Variants in PAPPA2 observed in about 807,000 individuals in gnomAD.
PAPPA2 encodes pappalysin-2.
Under a neutral mutation model 176.4 loss-of-function variants are expected in PAPPA2, and 86 were observed. That is an observed-to-expected ratio of 0.49 (90% CI 0.41 to 0.58). The LOEUF (loss-of-function observed/expected upper bound fraction) is 0.58. Ranked by LOEUF, PAPPA2 falls within the 20% of genes least tolerant of loss-of-function variation. The pLI, the probability that PAPPA2 is intolerant of heterozygous loss-of-function variation, is 0.00. For synonymous variants in PAPPA2, 809 were observed against 852.2 expected, an observed-to-expected ratio of 0.95 and a Z score of 0.88; for missense variants, 2,073 against 2,256.9, an observed-to-expected ratio of 0.92 and a Z score of 1.65.
Position 176,840,262 on chromosome 1 carries a change from C to T in PAPPA2, c.5292C>T (p.Ser1764=), listed in dbSNP as rs554550332. 1 of 1,612,038 alleles carries T rather than the reference C, an allele frequency of 6.2e-7. No individual in the cohort carries two copies. The highest frequency in any genetic ancestry group is 2.2e-5 in the East Asian group (1 of 44,854). ...GAGACTGCTGCTCTTCCACACTCTC[C>T]TCCAAGAAGGTGAGTGAGAGAACCT... ...DGGDCCSSTL[S]SKKVIPFAAD... Residue 1764 remains serine (S), a synonymous_variant, in exon 22 of 23, where the codon TCC becomes TCT. Coordinates refer to ENST00000367662, the MANE Select transcript of PAPPA2 (RefSeq NM_020318.3).
At chr1:176,607,154 T>C (rs1167647541) in intron 3 of PAPPA2, among the ~76,000 whole-genome samples, 1 of 152,230 alleles carries the variant, frequency 6.6e-6, no homozygotes, top group African/African-American at 2.4e-5. Context: ...GTGTAATGAT[T>C]AAGTCAGGGT....
At chr1:176,484,900 C>T (rs1181536054) in intron 1 of PAPPA2, among the ~76,000 whole-genome samples, 1 of 152,182 alleles carries the variant, frequency 6.6e-6, no homozygotes, top group African/African-American at 2.4e-5. Flanking sequence ...GTTTTCACTT[C>T]TTTCCTGCCC....
Position 176,690,154 on chromosome 1 carries a change from C to T in PAPPA2, c.2155C>T (p.Pro719Ser). The change falls in exon 5 of 23, where the codon CCA (proline) becomes TCA (serine). Residue 719 changes from proline (P) to serine (S), a missense_variant. This residue lies in a region of PAPPA2 where 1,196 missense variants were observed against 1,330.4 expected (regional missense o/e 0.90). Coordinates refer to ENST00000367662, the MANE Select transcript of PAPPA2 (RefSeq NM_020318.3). ...CATTGCAGGTGGCATTGTCCTCAGCCCAGCATATTATGGGATGCCTGGCCA... is the reference window on the plus strand; with the variant it reads ...CATTGCAGGTGGCATTGTCCTCAGCTCAGCATATTATGGGATGCCTGGCCA... Reference protein sequence around the residue: ...VTHLGGIVLSPAYYGMPGHTD... With the variant: ...VTHLGGIVLSSAYYGMPGHTD... The T allele has an allele frequency of 1.2e-6, 2 of 1,611,854 alleles. No individual in the cohort carries two copies. Among genetic ancestry groups the T allele is most frequent in the Non-Finnish European group, 8.5e-7 (1 of 1,178,194 alleles).
intron 12 of PAPPA2, among the ~76,000 whole-genome samples, chr1:176,731,645 A>G (rs1662147449): frequency 6.6e-6 from 1 of 151,950 alleles, no homozygotes. Context: ...TTATATGTGT[A>G]TATATACATA....
chr1:176,499,884 C>T (rs1046598625), intron 1 of PAPPA2, among the ~76,000 whole-genome samples: 1 of 152,248 alleles, frequency 6.6e-6, no homozygotes, highest in Middle Eastern at 3.4e-3. Context: ...CAAAGGCTTG[C>T]AACATTTTCC....
chr1:176,685,084 C>CT lies in PAPPA2; in HGVS notation c.2138-5041dup, dbSNP rs71644479. On this transcript the variant is annotated intron_variant, in intron 4 of 22. Coordinates refer to ENST00000367662, the MANE Select transcript of PAPPA2 (RefSeq NM_020318.3). Reference sequence around the variant, plus strand: ...CAATTTATGGTCAGGCCCCACCTTCCTTTTTTTTTTTTGTAATGAATGAAG... The same window carrying CT: ...CAATTTATGGTCAGGCCCCACCTTCCTTTTTTTTTTTTTGTAATGAATGAAG... Among the ~76,000 whole-genome samples, 1,181 of 144,474 alleles carry CT rather than the reference C, an allele frequency of 8.2e-3. 14 individuals are homozygous for CT. Among genetic ancestry groups the CT allele is most frequent in the African/African-American group, 0.024 (963 of 39,672 alleles). 94.8% of individuals were successfully genotyped at this position (144,474 alleles called of 152,430 possible).
At chr1:176,743,231 C>G (rs758276087) in intron 14 of PAPPA2, among the ~76,000 whole-genome samples, 10 of 151,902 alleles carry the variant, frequency 6.6e-5, no homozygotes, top group Non-Finnish European at 1.0e-4. Context: ...TTTTTATTTT[C>G]TGGAAAAAAA....
chr1:176,682,567 G>C (rs1026893525), intron 4 of PAPPA2, among the ~76,000 whole-genome samples: 1 of 152,166 alleles, frequency 6.6e-6, no homozygotes, highest in Non-Finnish European at 1.5e-5. Context: ...GGCATACAAT[G>C]TGTGGTGATC....
intron 12 of PAPPA2, among the ~76,000 whole-genome samples, chr1:176,717,317 A>T (rs1482197859): frequency 1.3e-5 from 2 of 152,126 alleles, no homozygotes. Context: ...GCATAAAGAC[A>T]CTTCCAGCAG....
intron 3 of PAPPA2, among the ~76,000 whole-genome samples, chr1:176,653,267 T>C (rs908600756): frequency 5.9e-5 from 9 of 151,894 alleles, no homozygotes; most frequent in African/African-American, 2.2e-4. Flanking sequence ...TCTTAGAGGA[T>C]CATCCCCATT....
chr1:176,671,968 G>A (rs1314836328), intron 4 of PAPPA2, among the ~76,000 whole-genome samples: 1 of 149,832 alleles, frequency 6.7e-6, no homozygotes, highest in East Asian at 2.0e-4. Flanking sequence ...GCTAAATGAC[G>A]AGTTAATGGG....
Position 176,739,523 on chromosome 1 carries a change from C to CTA in PAPPA2, c.3799-102_3799-101insAT. ...TTTATAAAAAAAATGGAAGCTCTTA[C>CTA]TTTATAAATAGTGAGCTCTCTAAGA... On this transcript the variant is annotated intron_variant, in intron 12 of 22. Coordinates refer to ENST00000367662, the MANE Select transcript of PAPPA2 (RefSeq NM_020318.3). The CTA allele has an allele frequency of 2.3e-6, 3 of 1,288,514 alleles. No homozygotes were observed. In the South Asian group the frequency reaches 5.2e-5, roughly 22 times the overall value. 79.8% of individuals were successfully genotyped at this position (1,288,514 alleles called of 1,614,324 possible).
At chr1:176,696,242 C>G (rs984021774) in intron 7 of PAPPA2, among the ~76,000 whole-genome samples, 8 of 149,420 alleles carry the variant, frequency 5.4e-5, no homozygotes, top group African/African-American at 1.2e-4. Flanking sequence ...GTAAGCTGAC[C>G]TCTTACTCCT....
At chr1:176,616,742 G>A in intron 3 of PAPPA2, 1 of 1,293,112 alleles carries the variant, frequency 7.7e-7, no homozygotes, top group Non-Finnish European at 1.1e-6. Context: ...GAAATCTCAT[G>A]TTCTTGTATG....
rs12059167 is a variant in PAPPA2 at position 176,839,723 on chromosome 1, C to T, written c.5203-450C>T. 1.9e-3 allele frequency among the ~76,000 whole-genome samples: 290 copies of T among 152,272 alleles called. 2 individuals carry two copies. The highest frequency in any genetic ancestry group is 6.7e-3 in the African/African-American group (279 of 41,540). On this transcript the variant is annotated intron_variant, in intron 21 of 22. Coordinates refer to ENST00000367662, the MANE Select transcript of PAPPA2 (RefSeq NM_020318.3). ...AATACTAAGCTTTATCTGACACTTG[C>T]TATGTGACCTGGGCAATTCTTATCA...
chr1:176,561,941 C>T (rs1454221036), intron 2 of PAPPA2, among the ~76,000 whole-genome samples: 2 of 152,176 alleles, frequency 1.3e-5, no homozygotes, highest in African/African-American at 2.4e-5. Flanking sequence ...AGACAGCGTG[C>T]GCAGCGGAAC....
chr1:176,720,985 C>T (rs1007536371), intron 12 of PAPPA2, among the ~76,000 whole-genome samples: 2 of 152,132 alleles, frequency 1.3e-5, no homozygotes, highest in Non-Finnish European at 2.9e-5. Context: ...CCTGTTTGTT[C>T]CATCTGGGCT....
Position 176,564,955 on chromosome 1 carries a change from C to T in PAPPA2, c.919+7714C>T, listed in dbSNP as rs183022628. On this transcript the variant is annotated intron_variant, in intron 2 of 22. Transcript: ENST00000367662. ...TTCCCTCCCCTCCTTTCCAAATCCACCATAGCCATAGCCATCAGCAACCTA... is the reference window on the plus strand; with the variant it reads ...TTCCCTCCCCTCCTTTCCAAATCCATCATAGCCATAGCCATCAGCAACCTA... Among the ~76,000 whole-genome samples, 4 of 152,200 alleles carry T rather than the reference C, an allele frequency of 2.6e-5. No homozygotes were observed. In the East Asian group the frequency reaches 7.7e-4, roughly 29 times the overall value.
rs1663553874 is a variant in PAPPA2 at position 176,758,713 on chromosome 1, A to C, written c.4152-6953A>C. Among the ~76,000 whole-genome samples the C allele has an allele frequency of 2.6e-5, 4 of 152,344 alleles. No homozygotes were observed. The South Asian group carries it at 8.3e-4, about 32-fold the overall frequency. ...GGCACTTCTTGGATAAATGAATTGCAATATTTTGTTTAACTGAACAACTGA... is the reference window on the plus strand; with the variant it reads ...GGCACTTCTTGGATAAATGAATTGCCATATTTTGTTTAACTGAACAACTGA... On this transcript the variant is annotated intron_variant, in intron 14 of 22. Coordinates refer to ENST00000367662, the MANE Select transcript of PAPPA2 (RefSeq NM_020318.3).
Sources: allele counts gnomAD v4.1 joint callset (sites outside exome capture counted in the v4.1 genomes callset), GRCh38; gene constraint gnomAD v4.1.1; regional missense constraint gnomAD v4.1.1; transcripts MANE v1.5; gene names NCBI Gene and HGNC (gene_info 2026-07-23, HGNC 2026-07-21).